LRRC37A2: variants seen among roughly 807,000 people sequenced by gnomAD.
LRRC37A2 encodes leucine rich repeat containing 37 member A2, also known as leucine-rich repeat-containing protein 37A2.
Under a neutral mutation model 68.8 loss-of-function variants are expected in LRRC37A2, and 9 were observed. That is an observed-to-expected ratio of 0.13 (90% CI 0.08 to 0.23). LRRC37A2 has a LOEUF of 0.23. Among genes scored for constraint, LRRC37A2 ranks in the 10% least tolerant of loss-of-function variants. The probability of loss-of-function intolerance (pLI) is 1.00; values close to 1 mark genes in which losing one functional copy is unlikely to be tolerated. For synonymous variants in LRRC37A2, 63 were observed against 367.6 expected, an observed-to-expected ratio of 0.17 and a Z score of 9.48; for missense variants, 168 against 950.4, an observed-to-expected ratio of 0.18 and a Z score of 10.82.
chr17:47,029,844 A>C, the LRRC37A2 span, among the ~76,000 whole-genome samples: 1 of 152,016 alleles, frequency 6.6e-6, no homozygotes, highest in Non-Finnish European at 1.5e-5. Flanking sequence ...TGGGTGGATC[A>C]CTTGAGGTCA....
the LRRC37A2 span, among the ~76,000 whole-genome samples, chr17:47,004,327 C>T: frequency 1.3e-5 from 2 of 152,064 alleles, no homozygotes; most frequent in African/African-American, 4.8e-5. Context: ...ACTAGTTTAC[C>T]TTTTTAAAGG....
the LRRC37A2 span, among the ~76,000 whole-genome samples, chr17:46,878,965 T>G: frequency 1.3e-5 from 2 of 152,160 alleles, no homozygotes; most frequent in African/African-American, 4.8e-5. Flanking sequence ...CATCCCTTTC[T>G]TTTCCAGTTA....
At chr17:46,622,341 C>T in the LRRC37A2 span, among the ~76,000 whole-genome samples, 1 of 149,684 alleles carries the variant, frequency 6.7e-6, no homozygotes, top group East Asian at 2.0e-4. Context: ...ACCTGTAGTC[C>T]CAGCTACTTG....
chr17:46,711,265 C>A, the LRRC37A2 span: 1 of 751,464 alleles, frequency 1.3e-6, no homozygotes, highest in South Asian at 3.1e-5. Flanking sequence ...AATCTATGTA[C>A]CAATATTGTG....
the LRRC37A2 span, among the ~76,000 whole-genome samples, chr17:46,904,770 A>G: frequency 6.6e-6 from 1 of 152,236 alleles, no homozygotes; most frequent in Non-Finnish European, 1.5e-5. Context: ...TGAAGCCTTC[A>G]CATGAACACA....
the LRRC37A2 span, among the ~76,000 whole-genome samples, chr17:46,787,940 A>G: frequency 6.8e-6 from 1 of 147,320 alleles, no homozygotes; most frequent in Non-Finnish European, 1.5e-5. Flanking sequence ...TGGGCAACAG[A>G]GTGAGACTCT....
At chr17:46,865,996 G>T in the LRRC37A2 span, among the ~76,000 whole-genome samples, 2 of 152,184 alleles carry the variant, frequency 1.3e-5, no homozygotes, top group Middle Eastern at 3.2e-3. Context: ...GTGAAAAGAG[G>T]GGGTGGAGAG....
chr17:46,935,670 A>G, the LRRC37A2 span: 1 of 994,282 alleles, frequency 1.0e-6, no homozygotes, highest in Non-Finnish European at 1.2e-6. Flanking sequence ...AGAGCTTTAG[A>G]AGCTTCTAGA....
At chr17:46,857,316 A>T in the LRRC37A2 span, among the ~76,000 whole-genome samples, 1 of 151,922 alleles carries the variant, frequency 6.6e-6, no homozygotes, top group African/African-American at 2.4e-5. Context: ...TAAAATTACA[A>T]GAATCAGCTG....
the LRRC37A2 span, chr17:46,770,151 G>A: frequency 4.9e-6 from 7 of 1,414,158 alleles, no homozygotes; most frequent in East Asian, 2.5e-5. Flanking sequence ...AGGCCAGGAA[G>A]AGTTGAAGAG....
At chr17:46,973,981 C>T in the LRRC37A2 span, among the ~76,000 whole-genome samples, 1 of 152,184 alleles carries the variant, frequency 6.6e-6, no homozygotes, top group African/African-American at 2.4e-5. Context: ...GGGAGGGCGA[C>T]CCCCAGCAGC....
the LRRC37A2 span, among the ~76,000 whole-genome samples, chr17:46,738,280 A>C: frequency 3.3e-5 from 5 of 152,100 alleles, no homozygotes; most frequent in Non-Finnish European, 5.9e-5. Flanking sequence ...GAATTTGAGG[A>C]TATGTTCTGT....
the LRRC37A2 span, chr17:47,017,779 C>T: frequency 1.9e-6 from 3 of 1,610,388 alleles, no homozygotes; most frequent in African/African-American, 2.7e-5. Context: ...GGTAGCCTGC[C>T]TCCAGAACTC....
chr17:47,023,312 T>A, the LRRC37A2 span, among the ~76,000 whole-genome samples: 1 of 152,250 alleles, frequency 6.6e-6, no homozygotes, highest in East Asian at 1.9e-4. Flanking sequence ...ACATTCAAAG[T>A]AACTGACATT....
At chr17:46,776,216 G>A in the LRRC37A2 span, among the ~76,000 whole-genome samples, 1 of 152,186 alleles carries the variant, frequency 6.6e-6, no homozygotes, top group Non-Finnish European at 1.5e-5. Flanking sequence ...TTCATGGGGT[G>A]AAGGTGGCTT....
the LRRC37A2 span, chr17:46,876,742 T>C: frequency 6.6e-7 from 1 of 1,518,928 alleles, no homozygotes; most frequent in Non-Finnish European, 8.8e-7. Flanking sequence ...CAAGCCAGTC[T>C]GGCACTGCCA....
At chr17:46,940,634 G>T in the LRRC37A2 span, 1 of 1,613,982 alleles carries the variant, frequency 6.2e-7, no homozygotes, top group Non-Finnish European at 8.5e-7. Flanking sequence ...CTTGAACTCT[G>T]GGAGGCAGAA....
the LRRC37A2 span, chr17:46,885,866 C>T: frequency 2.6e-5 from 4 of 152,492 alleles, no homozygotes; most frequent in Non-Finnish European, 5.9e-5. Flanking sequence ...CCTTCATTCC[C>T]CCTGGCTTCC....
the LRRC37A2 span, chr17:46,721,641 C>T: frequency 3.4e-4 from 535 of 1,594,160 alleles, no homozygotes; most frequent in Non-Finnish European, 4.1e-4. Context: ...TTCTTATAGA[C>T]ACCAGAAAAA....
Sources: allele counts gnomAD v4.1 joint callset (sites outside exome capture counted in the v4.1 genomes callset), GRCh38; gene constraint gnomAD v4.1.1; transcripts MANE v1.5; gene names NCBI Gene and HGNC (gene_info 2026-07-23, HGNC 2026-07-21).